Variants in CRPPA observed in about 807,000 individuals in gnomAD.
The protein encoded by CRPPA is CDP-L-ribitol pyrophosphorylase A.
Under a neutral mutation model 52.0 loss-of-function variants are expected in CRPPA, and 43 were observed. That is an observed-to-expected ratio of 0.83 (90% CI 0.65 to 1.07). The LOEUF (loss-of-function observed/expected upper bound fraction) is 1.07, where lower values mean the gene tolerates loss of function less well. Ranked by LOEUF, CRPPA falls within the 50% of genes least tolerant of loss-of-function variation. CRPPA has a pLI of 0.00. For synonymous variants in CRPPA, 250 were observed against 203.5 expected, an observed-to-expected ratio of 1.23 and a Z score of -1.94; for missense variants, 629 against 551.7, an observed-to-expected ratio of 1.14 and a Z score of -1.40.
chr7:16,407,424 C>T (rs962175756), intron 1 of CRPPA, among the ~76,000 whole-genome samples: 1 of 152,198 alleles, frequency 6.6e-6, no homozygotes, highest in Admixed American at 6.5e-5. Context: ...CAATATACCA[C>T]AGCCCAAAAG....
At chr7:16,164,443 T>A (rs1050872751) in intron 9 of CRPPA, among the ~76,000 whole-genome samples, 3 of 152,190 alleles carry the variant, frequency 2.0e-5, no homozygotes, top group Non-Finnish European at 4.4e-5. Context: ...CTTCCTTGCG[T>A]TGAGTTAGAA....
chr7:16,343,396 T>G (rs528548419), intron 3 of CRPPA, among the ~76,000 whole-genome samples: 1 of 152,044 alleles, frequency 6.6e-6, no homozygotes, highest in Non-Finnish European at 1.5e-5. Flanking sequence ...CATTGTACAA[T>G]TACAGTAAAA....
At chr7:16,230,794 G>A (rs1377975814) in intron 8 of CRPPA, among the ~76,000 whole-genome samples, 1 of 152,144 alleles carries the variant, frequency 6.6e-6, no homozygotes, top group Non-Finnish European at 1.5e-5. Context: ...GCTTTGCCTG[G>A]TATAGCTCTG....
At chr7:16,268,008 G>A (rs377206538) in intron 6 of CRPPA, among the ~76,000 whole-genome samples, 30 of 151,974 alleles carry the variant, frequency 2.0e-4, no homozygotes, top group Admixed American at 1.4e-3. Flanking sequence ...CATAAATTGT[G>A]GTATTTGTAG....
At chr7:16,144,891 T>C (rs1583387792) in intron 9 of CRPPA, among the ~76,000 whole-genome samples, 1 of 152,148 alleles carries the variant, frequency 6.6e-6, no homozygotes, top group East Asian at 1.9e-4. Flanking sequence ...CTTTCATCTG[T>C]TGCTCGGCCA....
At chr7:16,170,284 G>A (rs1781152315) in intron 9 of CRPPA, among the ~76,000 whole-genome samples, 1 of 152,192 alleles carries the variant, frequency 6.6e-6, no homozygotes, top group Non-Finnish European at 1.5e-5. Context: ...TGCCAGAGGA[G>A]AAATATTGGA....
At chr7:16,205,479 T>C (rs572398773) in intron 9 of CRPPA, among the ~76,000 whole-genome samples, 2 of 152,322 alleles carry the variant, frequency 1.3e-5, no homozygotes, top group South Asian at 4.1e-4. Flanking sequence ...TGCAGTTGCT[T>C]AAACTGGTAA....
In CRPPA at chr7:16,308,637, A is replaced by G. The variant is rs1047478888; in HGVS notation, c.685-10T>C. 7.1e-7 allele frequency: 1 copy of G among 1,406,350 alleles called. No homozygotes were observed. The highest frequency in any genetic ancestry group is 1.4e-5 in the African/African-American group (1 of 70,058). 87.1% of individuals were successfully genotyped at this position (1,406,350 alleles called of 1,614,324 possible). ...AGTCATAGTCACTACACTGGTGTGG[A>G]AACAACAACAACAACAATTAAGCTA... On this transcript the variant is annotated splice_polypyrimidine_tract_variant and intron_variant, in intron 3 of 9. Transcript: ENST00000407010.
At chr7:16,105,759 C>A (rs961798105) in intron 9 of CRPPA, among the ~76,000 whole-genome samples, 1 of 152,090 alleles carries the variant, frequency 6.6e-6, no homozygotes, top group Non-Finnish European at 1.5e-5. Flanking sequence ...CCTCAGAGAC[C>A]ACCCCAAAGA....
intron 3 of CRPPA, among the ~76,000 whole-genome samples, chr7:16,333,440 A>T (rs992408871): frequency 2.6e-5 from 4 of 152,222 alleles, no homozygotes; most frequent in Non-Finnish European, 5.9e-5. Flanking sequence ...TTCCTGAAAC[A>T]CTTGGAGATT....
intron 2 of CRPPA, among the ~76,000 whole-genome samples, chr7:16,391,806 A>C (rs1477781614): frequency 6.6e-6 from 1 of 152,178 alleles, no homozygotes; most frequent in African/African-American, 2.4e-5. Flanking sequence ...GCACTCAGTA[A>C]ATAAGGGTTA....
intron 6 of CRPPA, among the ~76,000 whole-genome samples, chr7:16,267,964 C>T (rs903441882): frequency 9.2e-5 from 14 of 151,846 alleles, no homozygotes; most frequent in Middle Eastern, 3.2e-3. Flanking sequence ...TATATGTAAA[C>T]GTTATTTCAT....
At position 16,190,668 on chromosome 7, in the gene CRPPA, T is replaced by C. The variant is rs367595917; in HGVS notation, c.1251+25398A>G. The stretch of plus-strand genomic sequence containing the variant: ...GCAGAACAGGTGGTATTTGGTTACA[T>C]GAGTAAGTTCTTTAGCGGTGATTTC... On this transcript the variant is annotated intron_variant, in intron 9 of 9. Coordinates refer to ENST00000407010, the MANE Select transcript of CRPPA (RefSeq NM_001101426.4). Among the ~76,000 whole-genome samples the C allele has an allele frequency of 2.2e-4, 33 of 152,212 alleles. No homozygotes were observed. The East Asian group carries it at 2.5e-3, about 12-fold the overall frequency.
intron 9 of CRPPA, among the ~76,000 whole-genome samples, chr7:16,200,688 A>G (rs1379308932): frequency 6.6e-6 from 1 of 152,174 alleles, no homozygotes; most frequent in Non-Finnish European, 1.5e-5. Flanking sequence ...ACTTCTCACA[A>G]GGCTTTTTAT....
At chr7:16,256,688 T>G (rs1783649827) in intron 8 of CRPPA, among the ~76,000 whole-genome samples, 1 of 152,032 alleles carries the variant, frequency 6.6e-6, no homozygotes, top group Admixed American at 6.6e-5. Flanking sequence ...CCACATGTTC[T>G]CACTCATAAG....
At chr7:16,140,405 T>C (rs1782847352) in intron 9 of CRPPA, among the ~76,000 whole-genome samples, 1 of 152,072 alleles carries the variant, frequency 6.6e-6, no homozygotes, top group Non-Finnish European at 1.5e-5. Flanking sequence ...GCTCAGGCAA[T>C]CCACTGGCCT....
At chr7:16,157,467 T>A (rs1477670654) in intron 9 of CRPPA, among the ~76,000 whole-genome samples, 1 of 152,196 alleles carries the variant, frequency 6.6e-6, no homozygotes, top group African/African-American at 2.4e-5. Flanking sequence ...AAAATAGCTT[T>A]TTTCACTATT....
At chr7:16,250,268 G>A (rs1291521129) in intron 8 of CRPPA, among the ~76,000 whole-genome samples, 6 of 152,288 alleles carry the variant, frequency 3.9e-5, no homozygotes, top group East Asian at 1.9e-4. Context: ...TGAAAGTGAC[G>A]GGGAGAATGA....
chr7:16,209,012 T>G, intron 9 of CRPPA: 1 of 433,158 alleles, frequency 2.3e-6, no homozygotes, highest in South Asian at 1.8e-5. Flanking sequence ...CCCCATGAAG[T>G]GACACAGGGC....
Sources: allele counts gnomAD v4.1 joint callset (sites outside exome capture counted in the v4.1 genomes callset), GRCh38; gene constraint gnomAD v4.1.1; transcripts MANE v1.5; gene names NCBI Gene and HGNC (gene_info 2026-07-23, HGNC 2026-07-21).